Variants in UMPS observed in about 807,000 individuals in gnomAD.
UMPS encodes uridine 5'-monophosphate synthase.
Under a neutral mutation model 38.9 loss-of-function variants are expected in UMPS, and 21 were observed. That is an observed-to-expected ratio of 0.54 (90% CI 0.38 to 0.78). The LOEUF is 0.78. Among genes scored for constraint, UMPS ranks in the 30% least tolerant of loss-of-function variants. The pLI is 0.00. For synonymous variants in UMPS, 208 were observed against 219.3 expected, an observed-to-expected ratio of 0.95 and a Z score of 0.45; for missense variants, 533 against 591.6, an observed-to-expected ratio of 0.90 and a Z score of 1.03.
In UMPS at chr3:124,745,703, A is replaced by T. The variant is rs1156399045; in HGVS notation, c.*1619A>T. Reference sequence around the variant, plus strand: ...AGGAAGGGAGTTGGCCCTCAGGGCTACTCTGGGGAAGCCAAAAGTCATGAA... The same window carrying T: ...AGGAAGGGAGTTGGCCCTCAGGGCTTCTCTGGGGAAGCCAAAAGTCATGAA... On this transcript the variant is annotated 3_prime_UTR_variant, in exon 6 of 6. Coordinates refer to ENST00000232607, the MANE Select transcript of UMPS (RefSeq NM_000373.4). The T allele has an allele frequency of 2.2e-6, 1 of 454,038 alleles. No homozygotes were observed. The highest frequency in any genetic ancestry group is 4.4e-6 in the Non-Finnish European group (1 of 226,792). 28.1% of individuals were successfully genotyped at this position (454,038 alleles called of 1,614,324 possible).
intron 2 of UMPS, among the ~76,000 whole-genome samples, chr3:124,736,713 ATATAC>A (rs1248441235): frequency 2.0e-5 from 3 of 152,224 alleles, no homozygotes; most frequent in African/African-American, 7.2e-5. Flanking sequence ...GCATTTTTAA[ATATAC>A]TATAAATACT....
Position 124,744,454 on chromosome 3 carries a change from G to A in UMPS, c.*370G>A, listed in dbSNP as rs1385189440. ...TTTCGAGACAGGATCTCACTCTGTT[G>A]CCCAGGATGGAGTGCAGTGGTGAGA... On this transcript the variant is annotated 3_prime_UTR_variant, in exon 6 of 6. Transcript: ENST00000232607. The A allele has an allele frequency of 2.2e-6, 1 of 454,348 alleles. No individual in the cohort carries two copies. The highest frequency in any genetic ancestry group is 4.4e-6 in the Non-Finnish European group (1 of 227,038). The allele number at this position is 454,348 out of a possible 1,614,324, so 28.1% of individuals were successfully genotyped here.
Position 124,735,263 on chromosome 3 carries a change from A to G in UMPS, c.310+17A>G, listed in dbSNP as rs2063509628. The G allele has an allele frequency of 1.2e-6, 2 of 1,602,930 alleles. No individual in the cohort carries two copies. The highest frequency in any genetic ancestry group is 3.3e-5 in the Admixed American group (2 of 59,786). On this transcript the variant is annotated intron_variant, in intron 2 of 5. Coordinates refer to ENST00000232607, the MANE Select transcript of UMPS (RefSeq NM_000373.4). ...AGGATTATGGTAAAATAAAAGTAAC[A>G]TAAAGCATGAAGTTAATTAATCTGT... is the stretch of plus-strand genomic sequence containing the variant.
chr3:124,735,006 G>A, intron 1 of UMPS, 87 bp from the exon 2 acceptor site: 1 of 1,278,268 alleles, frequency 7.8e-7, no homozygotes, highest in African/African-American at 1.5e-5. Flanking sequence ...GGGCAACAGG[G>A]CGAGACTCCA....
intron 1 of UMPS, among the ~76,000 whole-genome samples, chr3:124,732,967 G>GGTGTGTGTGTGT (rs61383415): frequency 0.15 from 22,029 of 147,540 alleles, 1,888 homozygotes; most frequent in East Asian, 0.25. Context: ...ACTAGATCAT[G>GGTGTGTGTGTGT]GTGTGTGTGT....
At position 124,730,452 on chromosome 3, in the gene UMPS, C is replaced by G. The variant is rs370683043; in HGVS notation, c.-20C>G. 3 of 1,613,688 alleles carry G rather than the reference C, an allele frequency of 1.9e-6. No homozygotes were observed. Among genetic ancestry groups the G allele is most frequent in the African/African-American group, 2.7e-5 (2 of 74,936 alleles). ...GCCCGGGGCGCCTGGGAATTTGAAG[C>G]AAACAGGCAGCGCGCGACAATGGCG... On this transcript the variant is annotated 5_prime_UTR_variant, in exon 1 of 6. Coordinates refer to ENST00000232607, the MANE Select transcript of UMPS (RefSeq NM_000373.4).
intron 2 of UMPS, among the ~76,000 whole-genome samples, chr3:124,736,407 TA>T (rs200359399): frequency 0.014 from 2,089 of 147,906 alleles, 36 homozygotes; most frequent in East Asian, 0.058. Flanking sequence ...TTTTTATGAT[TA>T]AAAAAAAGAA....
rs702039 is a variant in UMPS, at chr3:124,748,990, G to A, written c.*4906G>A. 10 of 453,896 alleles carry A rather than the reference G, an allele frequency of 2.2e-5. No homozygotes were observed. The highest frequency in any genetic ancestry group is 4.7e-5 in the South Asian group (3 of 64,464). 28.1% of individuals were successfully genotyped at this position (453,896 alleles called of 1,614,324 possible). On this transcript the variant is annotated 3_prime_UTR_variant, in exon 6 of 6. Coordinates refer to ENST00000232607, the MANE Select transcript of UMPS (RefSeq NM_000373.4). The stretch of plus-strand genomic sequence containing the variant: ...TTCTCATGAGGACAACCATGTCTTC[G>A]GGGGTGCCCTTGTGCACAGACAGCT...
Position 124,744,921 on chromosome 3 carries a change from G to A in UMPS, c.*837G>A, listed in dbSNP as rs1348048430. 4.4e-6 allele frequency: 2 copies of A among 454,054 alleles called. No homozygotes were observed. The highest frequency in any genetic ancestry group is 8.8e-6 in the Non-Finnish European group (2 of 226,770). The allele number at this position is 454,054 out of a possible 1,614,324, so 28.1% of individuals were successfully genotyped here. A position where few individuals can be genotyped will look rare whatever the true frequency, so the allele number is the denominator to read the frequency against. The stretch of plus-strand genomic sequence containing the variant: ...CTCACTCTCCAAAGAGGGGAAGGTG[G>A]GGAAGGGGAAGGTGACTATAGCTCA... On this transcript the variant is annotated 3_prime_UTR_variant, in exon 6 of 6. Transcript: ENST00000232607.
At position 124,744,128 on chromosome 3, in the gene UMPS, G is replaced by T. The variant is rs199962763; in HGVS notation, c.*44G>T. Reference sequence around the variant, plus strand: ...TCAGATACAATGTGAAGACATTGAAGATATGTGGTCCTCCTGAAAGTCACT... The same window carrying T: ...TCAGATACAATGTGAAGACATTGAATATATGTGGTCCTCCTGAAAGTCACT... On this transcript the variant is annotated 3_prime_UTR_variant, in exon 6 of 6. Coordinates refer to ENST00000232607, the MANE Select transcript of UMPS (RefSeq NM_000373.4). 356 of 1,604,814 alleles carry T rather than the reference G, an allele frequency of 2.2e-4. No homozygotes were observed. The highest frequency in any genetic ancestry group is 2.8e-4 in the Non-Finnish European group (327 of 1,172,848).
chr3:124,742,409 T>C (rs2063563358), intron 5 of UMPS, 143 bp downstream of exon 5: 1 of 682,442 alleles, frequency 1.5e-6, no homozygotes, highest in Admixed American at 2.4e-5. Context: ...CTTTGGTAAC[T>C]ATGTATCTTT....
rs1389388471 is a variant in UMPS, at chr3:124,748,026, A to G, written c.*3942A>G. The G allele has an allele frequency of 2.2e-6, 1 of 446,446 alleles. No individual in the cohort carries two copies. The highest frequency in any genetic ancestry group is 4.5e-6 in the Non-Finnish European group (1 of 222,992). The allele number at this position is 446,446 out of a possible 1,614,324, so 27.7% of individuals were successfully genotyped here. A position where few individuals can be genotyped will look rare whatever the true frequency, so the allele number is the denominator to read the frequency against. On this transcript the variant is annotated 3_prime_UTR_variant, in exon 6 of 6. Transcript: ENST00000232607. ...TGAAGGAATCTGATACTAAACACAA[A>G]GCATGAGAAAAATCAGGACTTGTTG...
At position 124,742,252 on chromosome 3, in the gene UMPS, A is replaced by G; in HGVS notation, c.1259A>G (p.Gln420Arg). The G allele has an allele frequency of 6.2e-7, 1 of 1,613,824 alleles. No individual in the cohort carries two copies. The highest frequency in any genetic ancestry group is 8.5e-7 in the Non-Finnish European group (1 of 1,179,716). Residue 420 changes from glutamine to arginine, a missense_variant, in exon 5 of 6, where the codon CAG becomes CGG. By Grantham distance (43) the Gln-to-Arg change is conservative (BLOSUM62 1). Coordinates refer to ENST00000232607, the MANE Select transcript of UMPS (RefSeq NM_000373.4). ...TTTCTTCACTTGACTCCAGGAGTTC[A>G]GTTGGAAGCAGGAGGTAAATCTGGT... is the stretch of plus-strand genomic sequence containing the variant. Reference protein sequence around the residue: ...PEFLHLTPGVQLEAGGDNLGQ... With the variant: ...PEFLHLTPGVRLEAGGDNLGQ...
chr3:124,734,015 C>T (rs1032984920), intron 1 of UMPS, among the ~76,000 whole-genome samples: 8 of 152,122 alleles, frequency 5.3e-5, no homozygotes, highest in African/African-American at 1.4e-4. Flanking sequence ...AGCAATTTCA[C>T]GTTTTGTTTT....
Position 124,744,296 on chromosome 3 carries a change from CTTGCTTT to C in UMPS, c.*215_*221del, listed in dbSNP as rs1559908002. Reference sequence around the variant, plus strand: ...ATACTATAATAAGTTCATTCTTAAGCTTGCTTTTTTTGAGACTGGTGTTTGTTAGACA... The same window carrying C: ...ATACTATAATAAGTTCATTCTTAAGCTTTTGAGACTGGTGTTTGTTAGACA... On this transcript the variant is annotated 3_prime_UTR_variant, in exon 6 of 6. Transcript: ENST00000232607. 1 of 673,690 alleles carries C rather than the reference CTTGCTTT, an allele frequency of 1.5e-6. No individual in the cohort carries two copies. The highest frequency in any genetic ancestry group is 1.5e-5 in the South Asian group (1 of 66,878). 41.7% of individuals were successfully genotyped at this position (673,690 alleles called of 1,614,324 possible). A position where few individuals can be genotyped will look rare whatever the true frequency, so the allele number is the denominator to read the frequency against.
intron 3 of UMPS, among the ~76,000 whole-genome samples, chr3:124,739,111 A>C (rs2063537630): frequency 1.3e-5 from 2 of 152,332 alleles, no homozygotes; most frequent in South Asian, 2.1e-4. Context: ...ACTTTAGCTG[A>C]TTGACTGACA....
At position 124,746,127 on chromosome 3, in the gene UMPS, T is replaced by C. The variant is rs973135765; in HGVS notation, c.*2043T>C. 2.2e-5 allele frequency: 10 copies of C among 453,956 alleles called. No homozygotes were observed. The highest frequency in any genetic ancestry group is 1.6e-4 in the African/African-American group (8 of 50,022). The allele number at this position is 453,956 out of a possible 1,614,324, so 28.1% of individuals were successfully genotyped here. ...CCTCCTGCTAAGAGTCACATGCTCC[T>C]GTCCTTTAGAAATGTGGGCTCCTGC... On this transcript the variant is annotated 3_prime_UTR_variant, in exon 6 of 6. Coordinates refer to ENST00000232607, the MANE Select transcript of UMPS (RefSeq NM_000373.4).
rs1386923048 is a variant in UMPS, at chr3:124,746,270, AC to A, written c.*2187del. 2.2e-6 allele frequency: 1 copy of A among 453,944 alleles called. No individual in the cohort carries two copies. The highest frequency in any genetic ancestry group is 4.4e-6 in the Non-Finnish European group (1 of 226,788). The allele number at this position is 453,944 out of a possible 1,614,324, so 28.1% of individuals were successfully genotyped here. A position where few individuals can be genotyped will look rare whatever the true frequency, so the allele number is the denominator to read the frequency against. On this transcript the variant is annotated 3_prime_UTR_variant, in exon 6 of 6. Transcript: ENST00000232607. The stretch of plus-strand genomic sequence containing the variant: ...AATAATCACCCAGCCCCTGCCACTT[AC>A]TGAAAGTGTAGGTCCTTGTGCCCCA...
At position 124,746,992 on chromosome 3, in the gene UMPS, G is replaced by A. The variant is rs1427360114; in HGVS notation, c.*2908G>A. 4.4e-6 allele frequency: 2 copies of A among 452,322 alleles called. No individual in the cohort carries two copies. Among genetic ancestry groups the A allele is most frequent in the Admixed American group, 2.4e-5 (1 of 42,212 alleles). 28.0% of individuals were successfully genotyped at this position (452,322 alleles called of 1,614,324 possible). A position where few individuals can be genotyped will look rare whatever the true frequency, so the allele number is the denominator to read the frequency against. On this transcript the variant is annotated 3_prime_UTR_variant, in exon 6 of 6. Coordinates refer to ENST00000232607, the MANE Select transcript of UMPS (RefSeq NM_000373.4). ...TAAGAAAATCTGCCAAAAGTAGGCCGAGGGCTGGTTTTTTGTTTTGTTTTG... is the reference window on the plus strand; with the variant it reads ...TAAGAAAATCTGCCAAAAGTAGGCCAAGGGCTGGTTTTTTGTTTTGTTTTG...
Sources: allele counts gnomAD v4.1 joint callset (sites outside exome capture counted in the v4.1 genomes callset), GRCh38; gene constraint gnomAD v4.1.1; transcripts MANE v1.5; gene names NCBI Gene and HGNC (gene_info 2026-07-23, HGNC 2026-07-21).